RPS6KA6: variants seen among roughly 807,000 people sequenced by gnomAD.
RPS6KA6 encodes ribosomal protein S6 kinase A6.
Under a neutral mutation model 65.4 loss-of-function variants are expected in RPS6KA6, and 27 were observed. The observed-to-expected ratio is 0.41, with a 90% CI of 0.30 to 0.57. The LOEUF is 0.57. Among genes scored for constraint, RPS6KA6 ranks in the 20% least tolerant of loss-of-function variants. The probability of loss-of-function intolerance (pLI) is 0.24; values close to 1 mark genes in which losing one functional copy is unlikely to be tolerated. For synonymous variants in RPS6KA6, 190 were observed against 184.2 expected (o/e 1.03, Z -0.26); for missense variants, 486 against 555.6 (o/e 0.87, Z 1.26).
chrX:84,107,525 A>C, intron 13 of RPS6KA6, 98 bp downstream of exon 13: 3 of 501,141 alleles, frequency 6.0e-6, no homozygotes, highest in Non-Finnish European at 9.6e-6. Context: ...AACTCTCTGC[A>C]AATTTACCAT....
intron 12 of RPS6KA6, among the ~76,000 whole-genome samples, chrX:84,107,950 T>G (rs918705670): frequency 8.9e-6 from 1 of 112,141 alleles, no homozygotes; most frequent in African/African-American, 3.2e-5. Context: ...TCACAAGGAA[T>G]GCTCAATTTT....
intron 4 of RPS6KA6, among the ~76,000 whole-genome samples, 191 bp downstream of exon 4, chrX:84,147,851 G>T: frequency 9.0e-6 from 1 of 110,615 alleles, no homozygotes; most frequent in African/African-American, 3.3e-5. Context: ...TTTTTACGGG[G>T]GTGCACTCTC....
At chrX:84,143,571 A>G (rs2035145064) in intron 6 of RPS6KA6, among the ~76,000 whole-genome samples, 1 of 111,753 alleles carries the variant, frequency 8.9e-6, no homozygotes, top group South Asian at 3.6e-4. Context: ...TACCACGTTC[A>G]TCAATTAAAA....
At chrX:84,186,141 T>C (rs2035925605) in intron 1 of RPS6KA6, 6 of 508,399 alleles carry the variant, frequency 1.2e-5, no homozygotes, top group East Asian at 3.7e-5. Context: ...GAGAGACCCA[T>C]TGTTAAATCT....
intron 1 of RPS6KA6, among the ~76,000 whole-genome samples, chrX:84,182,517 T>C (rs1258617793): frequency 9.0e-6 from 1 of 111,313 alleles, no homozygotes; most frequent in African/African-American, 3.3e-5. Context: ...AAATTCTAGA[T>C]GAGAGAGACT....
At chrX:84,116,143 GTTA>G (rs2034560420) in intron 12 of RPS6KA6, 83 bp downstream of exon 12, 1 of 537,036 alleles carries the variant, frequency 1.9e-6, no homozygotes. Context: ...CCACTGATTT[GTTA>G]TTTAGATTAA....
chrX:84,106,795 C>T, intron 14 of RPS6KA6, 115 bp downstream of exon 14: 3 of 588,951 alleles, frequency 5.1e-6, no homozygotes, highest in African/African-American at 2.3e-5. Context: ...TGATTTATAC[C>T]AATAGATAAA....
chrX:84,177,763 A>G (rs767782763), intron 1 of RPS6KA6, among the ~76,000 whole-genome samples: 1 of 112,314 alleles, frequency 8.9e-6, no homozygotes, highest in South Asian at 3.7e-4. Context: ...AACCAAAAGG[A>G]ATATACAACA....
chrX:84,119,813 T>C, intron 9 of RPS6KA6, 72 bp downstream of exon 9: 1 of 889,219 alleles, frequency 1.1e-6, no homozygotes, highest in Non-Finnish European at 1.5e-6. Context: ...AATCCCAAAA[T>C]TTGAATTAAA....
chrX:84,064,935 A>T (rs975070000), intron 21 of RPS6KA6, 36 bp downstream of exon 21: 1 of 1,139,954 alleles, frequency 8.8e-7, no homozygotes, highest in Admixed American at 2.2e-5. Flanking sequence ...TAGGTATCTG[A>T]TATCTCGAAG....
In RPS6KA6 at chrX:84,058,898, G is replaced by C. The variant is rs1480731516; in HGVS notation, c.*5379C>G. 5.5e-5 allele frequency: 6 copies of C among 109,055 alleles called. No homozygotes were observed. Among genetic ancestry groups the C allele is most frequent in the Non-Finnish European group, 1.1e-4 (6 of 52,599 alleles). 9.0% of individuals were successfully genotyped at this position (109,055 alleles called of 1,213,427 possible). A position where few individuals can be genotyped will look rare whatever the true frequency, so the allele number is the denominator to read the frequency against. On this transcript the variant is annotated 3_prime_UTR_variant, in exon 22 of 22. Transcript: ENST00000262752. ...GGCAAACCAATTTTTTAAAAAATGT[G>C]GCTATAGCAAACTGTGGTTGCTTCA...
In RPS6KA6 at chrX:84,061,728, C is replaced by CA. The variant is rs1373511542; in HGVS notation, c.*2548dup. On this transcript the variant is annotated 3_prime_UTR_variant, in exon 22 of 22. Coordinates refer to ENST00000262752, the MANE Select transcript of RPS6KA6 (RefSeq NM_014496.5). ...AAACTGTGCTATCATTAAATACTAC[C>CA]AAAAACCATTAACTAGAAAAACACA... is the stretch of plus-strand genomic sequence containing the variant. 2.7e-5 allele frequency: 3 copies of CA among 111,587 alleles called. No individual in the cohort carries two copies. Among genetic ancestry groups the CA allele is most frequent in the South Asian group, 3.7e-4 (1 of 2,694 alleles). The allele number at this position is 111,587 out of a possible 1,213,427, so 9.2% of individuals were successfully genotyped here.
rs1487930404 is a variant in RPS6KA6, at chrX:84,097,781, A to G, written c.1844T>C (p.Met615Thr). 1 of 1,180,239 alleles carries G rather than the reference A, an allele frequency of 8.5e-7. No individual in the cohort carries two copies. The highest frequency in any genetic ancestry group is 1.1e-6 in the Non-Finnish European group (1 of 870,822). The change falls in exon 19 of 22, where the codon ATG (methionine) becomes ACG (threonine). Residue 615 changes from methionine to threonine, a missense_variant. By Grantham distance (81) the Met-to-Thr change is moderately conservative. Coordinates refer to ENST00000262752, the MANE Select transcript of RPS6KA6 (RefSeq NM_014496.5). ...IWSLGVLFYTMLAGYTPFANG... is the reference protein window; with the variant it reads ...IWSLGVLFYTTLAGYTPFANG... ...AATATATGTTTCTTACCCAGCCAAC[A>G]TTGTGTAAAAAAGGACTCCTAAACT... is the stretch of plus-strand genomic sequence containing the variant.
rs1180574429 is a variant in RPS6KA6 at position 84,116,302 on chromosome X, A to T, written c.950-15T>A. 1 of 1,023,025 alleles carries T rather than the reference A, an allele frequency of 9.8e-7. No individual in the cohort carries two copies. The highest frequency in any genetic ancestry group is 2.8e-5 in the Admixed American group (1 of 35,920). The allele number at this position is 1,023,025 out of a possible 1,213,427, so 84.3% of individuals were successfully genotyped here. ...TCCTTCTGATCCTATAAAAAAAAGA[A>T]ATGATATTTTATTTTTATGATTTTT... On this transcript the variant is annotated splice_polypyrimidine_tract_variant and intron_variant, in intron 11 of 21. Transcript: ENST00000262752.
At chrX:84,112,107 A>C (rs929377237) in intron 12 of RPS6KA6, among the ~76,000 whole-genome samples, 2 of 112,207 alleles carry the variant, frequency 1.8e-5, no homozygotes, top group Admixed American at 1.9e-4. Flanking sequence ...TATAATGATA[A>C]GGGCTCAATT....
intron 12 of RPS6KA6, 60 bp downstream of exon 12, chrX:84,116,169 T>C (rs2034560864): frequency 8.0e-6 from 5 of 627,085 alleles, no homozygotes; most frequent in African/African-American, 4.6e-5. Context: ...GCAATAAATC[T>C]TTAATATCCT....
chrX:84,102,547 A>C (rs1007067928), intron 17 of RPS6KA6, among the ~76,000 whole-genome samples: 1 of 110,756 alleles, frequency 9.0e-6, no homozygotes, highest in Non-Finnish European at 1.9e-5. Flanking sequence ...TGACTTACAA[A>C]CTAAACTAAG....
intron 18 of RPS6KA6, among the ~76,000 whole-genome samples, chrX:84,101,816 T>C (rs2034264621): frequency 1.8e-5 from 2 of 110,873 alleles, no homozygotes; most frequent in South Asian, 7.5e-4. Flanking sequence ...CCCAACAGAA[T>C]AGAATAGCCT....
Position 84,135,273 on chromosome X carries a change from C to T in RPS6KA6, c.502-63G>A. The stretch of plus-strand genomic sequence containing the variant: ...TCAATATTCAGTATATTTAAAAATA[C>T]TTCTTTCAAAATGAGTAGACAGACA... On this transcript the variant is annotated intron_variant, in intron 6 of 21. Transcript: ENST00000262752. 6.5e-6 allele frequency: 5 copies of T among 770,161 alleles called. No individual in the cohort carries two copies. The East Asian group carries it at 1.4e-4, about 22-fold the overall frequency. 63.5% of individuals were successfully genotyped at this position (770,161 alleles called of 1,213,427 possible).
Sources: allele counts gnomAD v4.1 joint callset (sites outside exome capture counted in the v4.1 genomes callset), GRCh38; gene constraint gnomAD v4.1.1; transcripts MANE v1.5; gene names NCBI Gene and HGNC (gene_info 2026-07-23, HGNC 2026-07-21).